TMEM132D: variants seen among roughly 807,000 people sequenced by gnomAD.
TMEM132D encodes mature OL transmembrane protein.
TMEM132D carries 21 observed loss-of-function variants against 62.3 expected under a neutral mutation model. The ratio of observed to expected loss-of-function variants is 0.34; its 90% CI spans 0.24 to 0.49. The LOEUF is 0.49. Ranked by LOEUF, TMEM132D falls within the 20% of genes least tolerant of loss-of-function variation. The probability of loss-of-function intolerance (pLI) is 0.99; values close to 1 mark genes in which losing one functional copy is unlikely to be tolerated. For missense variants in TMEM132D, 1,346 were observed against 1,402.8 expected (o/e 0.96, Z 0.65); for synonymous variants, 621 against 575.6 (o/e 1.08, Z -1.13).
At chr12:129,754,428 G>A (rs889512807) in intron 1 of TMEM132D, among the ~76,000 whole-genome samples, 3 of 152,148 alleles carry the variant, frequency 2.0e-5, no homozygotes, top group Non-Finnish European at 2.9e-5. Flanking sequence ...ATGACCCCAA[G>A]GAAGAACAGG....
chr12:129,511,716 T>C (rs1300868866), intron 3 of TMEM132D, among the ~76,000 whole-genome samples: 1 of 152,226 alleles, frequency 6.6e-6, no homozygotes, highest in Non-Finnish European at 1.5e-5. Flanking sequence ...GAGTCCTTTG[T>C]CAGCATTATG....
At chr12:129,338,110 AG>A (rs1463892071) in intron 3 of TMEM132D, among the ~76,000 whole-genome samples, 1 of 152,232 alleles carries the variant, frequency 6.6e-6, no homozygotes, top group East Asian at 1.9e-4. Context: ...TATGGGAAAT[AG>A]TGATTGCATT....
chr12:129,860,350 G>T (rs1873853494), intron 1 of TMEM132D, among the ~76,000 whole-genome samples: 1 of 152,156 alleles, frequency 6.6e-6, no homozygotes, highest in African/African-American at 2.4e-5. Context: ...ATTGATCAGG[G>T]CCCAAACTCT....
chr12:129,630,441 T>C (rs1463439310), intron 2 of TMEM132D, among the ~76,000 whole-genome samples: 2 of 152,140 alleles, frequency 1.3e-5, no homozygotes, highest in Non-Finnish European at 1.5e-5. Flanking sequence ...GGGGTTGTTT[T>C]ACTATAAACA....
intron 2 of TMEM132D, among the ~76,000 whole-genome samples, chr12:129,621,409 T>C (rs1879063382): frequency 6.6e-6 from 1 of 152,078 alleles, no homozygotes; most frequent in African/African-American, 2.4e-5. Flanking sequence ...CACTGCCACA[T>C]GTTGTCTATT....
intron 1 of TMEM132D, among the ~76,000 whole-genome samples, chr12:129,871,003 G>C (rs1357195236): frequency 2.0e-5 from 3 of 152,098 alleles, no homozygotes; most frequent in African/African-American, 4.8e-5. Flanking sequence ...ACAGACAGCA[G>C]GCAGAGTCGC....
intron 1 of TMEM132D, among the ~76,000 whole-genome samples, chr12:129,892,366 A>C (rs567195731): frequency 6.6e-6 from 1 of 152,348 alleles, no homozygotes; most frequent in South Asian, 2.1e-4. Flanking sequence ...ACTATCACTC[A>C]ATACTGTCTA....
At chr12:129,105,266 C>T (rs1420463394) in intron 5 of TMEM132D, among the ~76,000 whole-genome samples, 2 of 145,446 alleles carry the variant, frequency 1.4e-5, no homozygotes, top group Non-Finnish European at 3.0e-5. Context: ...AATTGGAAAT[C>T]ATCATTCTCA....
chr12:129,581,784 C>T (rs1380131342), intron 2 of TMEM132D, among the ~76,000 whole-genome samples: 1 of 152,208 alleles, frequency 6.6e-6, no homozygotes. Context: ...CTCACAGACA[C>T]ACCCAGGGAC....
intron 3 of TMEM132D, among the ~76,000 whole-genome samples, chr12:129,394,816 T>TTGC (rs1871378494): frequency 6.6e-6 from 1 of 152,196 alleles, no homozygotes; most frequent in African/African-American, 2.4e-5. Flanking sequence ...ACTTTAGTGG[T>TTGC]TGCCTGGGGA....
At chr12:129,560,662 G>A (rs1877196332) in intron 2 of TMEM132D, among the ~76,000 whole-genome samples, 1 of 152,258 alleles carries the variant, frequency 6.6e-6, no homozygotes, top group Middle Eastern at 3.4e-3. Flanking sequence ...AATAAATTAG[G>A]CAGGTGAAGG....
At chr12:129,458,189 T>A (rs1873542330) in intron 3 of TMEM132D, among the ~76,000 whole-genome samples, 1 of 152,154 alleles carries the variant, frequency 6.6e-6, no homozygotes, top group Admixed American at 6.5e-5. Context: ...CCACTAAATT[T>A]TCCTCTATTC....
chr12:129,734,634 T>A (rs1869360636), intron 1 of TMEM132D, among the ~76,000 whole-genome samples: 1 of 152,176 alleles, frequency 6.6e-6, no homozygotes, highest in Admixed American at 6.6e-5. Flanking sequence ...GTTGGACACA[T>A]TGATTATAAT....
At chr12:129,438,264 G>A (rs1872843053) in intron 3 of TMEM132D, among the ~76,000 whole-genome samples, 1 of 152,072 alleles carries the variant, frequency 6.6e-6, no homozygotes, top group South Asian at 2.1e-4. Context: ...CCCAGTAATG[G>A]GATTGTTGGG....
chr12:129,664,154 T>C (rs1880314229), intron 2 of TMEM132D, among the ~76,000 whole-genome samples: 1 of 152,204 alleles, frequency 6.6e-6, no homozygotes, highest in South Asian at 2.1e-4. Flanking sequence ...TAATTAGATG[T>C]ATCAACGACT....
chr12:129,564,267 C>T (rs924404664), intron 2 of TMEM132D, among the ~76,000 whole-genome samples: 3 of 152,196 alleles, frequency 2.0e-5, no homozygotes, highest in Non-Finnish European at 2.9e-5. Flanking sequence ...TCTATTAAAA[C>T]AAAACCAGGG....
chr12:129,544,838 G>C (rs2071003985), intron 2 of TMEM132D, among the ~76,000 whole-genome samples: 1 of 152,232 alleles, frequency 6.6e-6, no homozygotes, highest in Admixed American at 6.5e-5. Flanking sequence ...AGTTATGTGA[G>C]TGACAACCCA....
intron 5 of TMEM132D, among the ~76,000 whole-genome samples, chr12:129,120,774 A>C (rs990857240): frequency 2.0e-5 from 3 of 152,232 alleles, no homozygotes; most frequent in Non-Finnish European, 4.4e-5. Context: ...AAAGGTACAC[A>C]TAAACGGTCT....
intron 5 of TMEM132D, among the ~76,000 whole-genome samples, chr12:129,168,096 G>A (rs1877616491): frequency 6.6e-6 from 1 of 152,146 alleles, no homozygotes; most frequent in Non-Finnish European, 1.5e-5. Flanking sequence ...GTTAATAGAA[G>A]GAACAGTCAT....
Sources: gnomAD v4.1 joint callset for allele counts (sites outside exome capture counted in the v4.1 genomes callset) on GRCh38, gnomAD v4.1.1 for gene constraint, MANE v1.5 for transcripts, NCBI Gene and HGNC (gene_info 2026-07-23, HGNC 2026-07-21) for gene names.